EDARADD: variants seen among roughly 807,000 people sequenced by gnomAD.
EDARADD encodes the protein ectodysplasin-A receptor-associated adapter protein.
EDARADD carries 20 observed loss-of-function variants against 25.6 expected under a neutral mutation model. That is an observed-to-expected ratio of 0.78 (90% CI 0.55 to 1.14). The LOEUF is 1.14. Ranked by LOEUF, EDARADD falls within the 50% of genes most tolerant of loss-of-function variation. The pLI, the probability that EDARADD is intolerant of heterozygous loss-of-function variation, is 0.00. For synonymous variants in EDARADD, 86 were observed against 94.4 expected, an observed-to-expected ratio of 0.91 and a Z score of 0.52; for missense variants, 225 against 270.1, an observed-to-expected ratio of 0.83 and a Z score of 1.17.
chr1:236,444,947 T>G (rs867386627), intron 4 of EDARADD, among the ~76,000 whole-genome samples: 4 of 152,258 alleles, frequency 2.6e-5, no homozygotes, highest in African/African-American at 9.6e-5. Context: ...TTGTTAGATT[T>G]CAACCCAAGT....
chr1:236,415,554 T>A (rs1355227368), intron 3 of EDARADD, among the ~76,000 whole-genome samples: 1 of 152,156 alleles, frequency 6.6e-6, no homozygotes, highest in Non-Finnish European at 1.5e-5. Context: ...CAAGCGATTC[T>A]CCTCCCTCAG....
intron 4 of EDARADD, among the ~76,000 whole-genome samples, chr1:236,455,686 AG>A (rs1184559620): frequency 6.6e-5 from 10 of 152,252 alleles, no homozygotes; most frequent in African/African-American, 9.6e-5. Context: ...AACCAACGGC[AG>A]GTTCTCAAAA....
chr1:236,388,384 C>T (rs1308556809), intron 3 of EDARADD, among the ~76,000 whole-genome samples: 1 of 152,082 alleles, frequency 6.6e-6, no homozygotes, highest in Non-Finnish European at 1.5e-5. Flanking sequence ...ATTTACTCTC[C>T]CATATGAATT....
Position 236,431,659 on chromosome 1 carries a change from C to T in EDARADD, c.219+4209C>T, listed in dbSNP as rs1308720187. 1.8e-4 allele frequency among the ~76,000 whole-genome samples: 9 copies of T among 49,688 alleles called. 2 individuals carry two copies. Among genetic ancestry groups the T allele is most frequent in the African/African-American group, 3.1e-4 (8 of 26,196 alleles). 32.6% of individuals were successfully genotyped at this position (49,688 alleles called of 152,430 possible). A position where few individuals can be genotyped will look rare whatever the true frequency, so the allele number is the denominator to read the frequency against. The stretch of plus-strand genomic sequence containing the variant: ...AGGCAGGGCCGGGCGCGGTGGCTCA[C>T]GCCTGTAATCCCAGCACTTTGGGAG... On this transcript the variant is annotated intron_variant, in intron 4 of 5. Coordinates refer to ENST00000334232, the MANE Select transcript of EDARADD (RefSeq NM_145861.4).
Position 236,394,342 on chromosome 1 carries a change from G to C in EDARADD, c.-103G>C. On this transcript the variant is annotated 5_prime_UTR_variant, in exon 1 of 6. Coordinates refer to ENST00000334232, the MANE Select transcript of EDARADD (RefSeq NM_145861.4). ...AAATTCCCCAGAGAGCTTTCATCTA[G>C]AAGGTTTGACTCTGGCCAGACAACC... 7.9e-7 allele frequency: 1 copy of C among 1,270,554 alleles called. No individual in the cohort carries two copies. The highest frequency in any genetic ancestry group is 1.1e-6 in the Non-Finnish European group (1 of 871,708). 78.7% of individuals were successfully genotyped at this position (1,270,554 alleles called of 1,614,324 possible).
At chr1:236,359,432 G>A (rs1389225368) in intron 3 of EDARADD, among the ~76,000 whole-genome samples, 4 of 152,206 alleles carry the variant, frequency 2.6e-5, no homozygotes, top group African/African-American at 7.2e-5. Context: ...AGGACATAGT[G>A]TTTAAGGTGC....
At position 236,466,845 on chromosome 1, in the gene EDARADD, G is replaced by A. The variant is rs1325172904; in HGVS notation, c.220-1386G>A. Among the ~76,000 whole-genome samples the A allele has an allele frequency of 2.6e-5, 4 of 152,258 alleles. No individual in the cohort carries two copies. The South Asian group carries it at 6.2e-4, about 24-fold the overall frequency. On this transcript the variant is annotated intron_variant, in intron 4 of 5. Coordinates refer to ENST00000334232, the MANE Select transcript of EDARADD (RefSeq NM_145861.4). ...ACACTTTGGGAGGCCAAGGTGGGCG[G>A]ATCATGAGGTCAGGAGTTCGAGACC... is the stretch of plus-strand genomic sequence containing the variant.
At chr1:236,413,835 C>G (rs1571920291) in intron 2 of EDARADD, among the ~76,000 whole-genome samples, 1 of 152,130 alleles carries the variant, frequency 6.6e-6, no homozygotes, top group Non-Finnish European at 1.5e-5. Flanking sequence ...TCGACCCAGG[C>G]CAGAGCTCTG....
At chr1:236,380,730 T>TGGGGTTTAGCTATGTTGC (rs1667287342) in intron 3 of EDARADD, among the ~76,000 whole-genome samples, 1 of 152,158 alleles carries the variant, frequency 6.6e-6, no homozygotes, top group African/African-American at 2.4e-5. Context: ...TTGTTTGTTG[T>TGGGGTTTAGCTATGTTGC]AGAAATGGGG....
At chr1:236,384,551 G>C (rs1042033091) in intron 3 of EDARADD, among the ~76,000 whole-genome samples, 1 of 152,010 alleles carries the variant, frequency 6.6e-6, no homozygotes, top group African/African-American at 2.4e-5. Flanking sequence ...CACCATACTT[G>C]GCTAATTTTT....
chr1:236,420,509 G>T (rs755915399), intron 3 of EDARADD, among the ~76,000 whole-genome samples: 1 of 152,238 alleles, frequency 6.6e-6, no homozygotes, highest in East Asian at 1.9e-4. Flanking sequence ...TGGAATGGAA[G>T]TTGCTTCCTA....
At chr1:236,417,507 A>G (rs992042778) in intron 3 of EDARADD, among the ~76,000 whole-genome samples, 2 of 152,176 alleles carry the variant, frequency 1.3e-5, no homozygotes, top group African/African-American at 2.4e-5. Flanking sequence ...TATAAATTAT[A>G]TCTGTTTTCT....
Position 236,365,704 on chromosome 1 carries a change from T to TA in EDARADD, c.-6+14866dup, listed in dbSNP as rs111415090. Among the ~76,000 whole-genome samples, 7 of 152,078 alleles carry TA rather than the reference T, an allele frequency of 4.6e-5. No individual in the cohort carries two copies. The South Asian group carries it at 1.5e-3, about 32-fold the overall frequency. On this transcript the variant is annotated intron_variant, in intron 3 of 7. Transcript: ENST00000439430. ...AAAACTTGTCTGTTCTTCCTCCAAA[T>TA]AGTTTTCAGTTGGCCTCCCTCCTTT... is the stretch of plus-strand genomic sequence containing the variant.
intron 3 of EDARADD, among the ~76,000 whole-genome samples, chr1:236,358,749 T>C (rs1460834607): frequency 7.9e-5 from 12 of 152,230 alleles, no homozygotes; most frequent in Admixed American, 7.9e-4. Context: ...TTTGTTATGA[T>C]TTCAGTTATT....
intron 1 of EDARADD, among the ~76,000 whole-genome samples, chr1:236,400,059 T>G (rs999168541): frequency 6.6e-6 from 1 of 152,240 alleles, no homozygotes; most frequent in African/African-American, 2.4e-5. Flanking sequence ...CAGCCAATTC[T>G]TTCTGCAGAT....
At chr1:236,432,462 A>T (rs1432074853) in intron 4 of EDARADD, among the ~76,000 whole-genome samples, 1 of 152,210 alleles carries the variant, frequency 6.6e-6, no homozygotes, top group Non-Finnish European at 1.5e-5. Context: ...AAGGTAATAC[A>T]ATAAAAATAA....
intron 3 of EDARADD, among the ~76,000 whole-genome samples, chr1:236,385,089 C>CTTTTTTTTTTTGTTTTTTTT (rs1667336287): frequency 8.2e-6 from 1 of 121,988 alleles, no homozygotes; most frequent in Non-Finnish European, 1.6e-5. Context: ...CCTTTTGATT[C>CTTTTTTTTTTTGTTTTTTTT]TTTTTTTTTT....
At chr1:236,399,570 CAAT>C (rs1213322265) in intron 1 of EDARADD, among the ~76,000 whole-genome samples, 2 of 152,198 alleles carry the variant, frequency 1.3e-5, no homozygotes, top group East Asian at 1.9e-4. Context: ...GGAAGGAAAA[CAAT>C]GATGGTGGTT....
At chr1:236,445,443 G>T (rs1260650093) in intron 4 of EDARADD, among the ~76,000 whole-genome samples, 2 of 152,084 alleles carry the variant, frequency 1.3e-5, no homozygotes, top group South Asian at 2.1e-4. Context: ...GACCAGGCTG[G>T]TCTTGAACAT....
Sources: gnomAD v4.1 joint callset for allele counts (sites outside exome capture counted in the v4.1 genomes callset) on GRCh38, gnomAD v4.1.1 for gene constraint, MANE v1.5 for transcripts, NCBI Gene and HGNC (gene_info 2026-07-23, HGNC 2026-07-21) for gene names.